The following LMBRD1 variants were observed in gnomAD, a reference collection of about 807,000 sequenced individuals.
The protein encoded by LMBRD1 is lysosomal cobalamin transport escort protein LMBD1.
LMBRD1 carries 64 observed loss-of-function variants against 74.8 expected under a neutral mutation model. That is an observed-to-expected ratio of 0.86 (90% CI 0.70 to 1.05). LMBRD1 has a LOEUF of 1.05. Ranked by LOEUF, LMBRD1 falls within the 50% of genes least tolerant of loss-of-function variation. The pLI is 0.00. For synonymous variants in LMBRD1, 204 were observed against 216.3 expected, an observed-to-expected ratio of 0.94 and a Z score of 0.50; for missense variants, 652 against 645.9, an observed-to-expected ratio of 1.01 and a Z score of -0.10.
intron 3 of LMBRD1, among the ~76,000 whole-genome samples, chr6:69,760,960 C>G (rs1336297544): frequency 6.6e-6 from 1 of 152,168 alleles, no homozygotes; most frequent in Non-Finnish European, 1.5e-5. Context: ...TACAGTCCCA[C>G]CAGACATCTT....
At chr6:69,741,681 G>C in intron 6 of LMBRD1, 108 bp downstream of exon 6, 14 of 575,358 alleles carry the variant, frequency 2.4e-5, no homozygotes, top group East Asian at 7.3e-5. Context: ...GAGCCACCAC[G>C]CCCAGCTGGG....
intron 3 of LMBRD1, among the ~76,000 whole-genome samples, chr6:69,771,909 T>C (rs1181505707): frequency 6.6e-6 from 1 of 152,060 alleles, no homozygotes; most frequent in Non-Finnish European, 1.5e-5. Context: ...GGTCAGATTC[T>C]AGATAAATTT....
intron 2 of LMBRD1, among the ~76,000 whole-genome samples, chr6:69,783,715 A>G (rs1765886631): frequency 6.6e-6 from 1 of 151,182 alleles, no homozygotes; most frequent in Non-Finnish European, 1.5e-5. Context: ...TCAATGGGCC[A>G]GAGAATAATA....
chr6:69,746,891 G>A (rs9454881), intron 5 of LMBRD1: 12,263 of 152,740 alleles, frequency 0.08, 653 homozygotes, highest in Admixed American at 0.15. Context: ...GCACAACAGG[G>A]AGAGAGAGGC....
chr6:69,793,107 T>C (rs1766123038), intron 1 of LMBRD1, among the ~76,000 whole-genome samples: 1 of 152,242 alleles, frequency 6.6e-6, no homozygotes, highest in Non-Finnish European at 1.5e-5. Context: ...CCATAGTAAC[T>C]GCTTAACAAA....
chr6:69,725,166 A>T (rs1466822617), intron 7 of LMBRD1, among the ~76,000 whole-genome samples: 3 of 152,158 alleles, frequency 2.0e-5, no homozygotes, highest in Non-Finnish European at 2.9e-5. Flanking sequence ...CAAAAAAGTG[A>T]AAGATCACTG....
chr6:69,728,992 AT>A (rs566180839), intron 7 of LMBRD1, among the ~76,000 whole-genome samples: 3,951 of 148,436 alleles, frequency 0.027, 107 homozygotes, highest in African/African-American at 0.078. Context: ...TTGTTTTGCT[AT>A]TTTTTTTTTA....
chr6:69,751,830 T>C (rs1427735784), intron 4 of LMBRD1, among the ~76,000 whole-genome samples: 2 of 152,226 alleles, frequency 1.3e-5, no homozygotes, highest in Admixed American at 6.5e-5. Flanking sequence ...ACAGAGACCA[T>C]ATAGCCCACA....
intron 14 of LMBRD1, among the ~76,000 whole-genome samples, chr6:69,679,207 G>T (rs942477625): frequency 6.6e-6 from 1 of 152,062 alleles, no homozygotes; most frequent in Non-Finnish European, 1.5e-5. Flanking sequence ...GAAAAGTCTA[G>T]AATGAATATT....
intron 1 of LMBRD1, among the ~76,000 whole-genome samples, chr6:69,791,716 T>C (rs1766090458): frequency 6.6e-6 from 1 of 152,244 alleles, no homozygotes; most frequent in South Asian, 2.1e-4. Context: ...GCAAGCAAGA[T>C]ACAAGAACAA....
intron 2 of LMBRD1, among the ~76,000 whole-genome samples, chr6:69,788,356 C>A (rs1766003848): frequency 6.6e-6 from 1 of 151,954 alleles, no homozygotes; most frequent in Non-Finnish European, 1.5e-5. Flanking sequence ...TTAAACTTAA[C>A]AGCTTTCAGA....
At chr6:69,754,459 T>G (rs1421454131) in intron 3 of LMBRD1, among the ~76,000 whole-genome samples, 1 of 152,144 alleles carries the variant, frequency 6.6e-6, no homozygotes, top group African/African-American at 2.4e-5. Context: ...TAAAAGAAAC[T>G]CAAATCAAAT....
chr6:69,739,299 T>C (rs750608650), intron 6 of LMBRD1, among the ~76,000 whole-genome samples: 1 of 152,152 alleles, frequency 6.6e-6, no homozygotes, highest in Non-Finnish European at 1.5e-5. Flanking sequence ...TAACTCAAAA[T>C]TGATCATTAT....
chr6:69,700,098 CAG>C (rs1046165109), intron 12 of LMBRD1, among the ~76,000 whole-genome samples: 1 of 151,928 alleles, frequency 6.6e-6, no homozygotes, highest in Middle Eastern at 3.4e-3. Context: ...CAAAGAATTA[CAG>C]AGATATTGGA....
At chr6:69,793,199 C>T (rs986016803) in intron 1 of LMBRD1, among the ~76,000 whole-genome samples, 2 of 152,104 alleles carry the variant, frequency 1.3e-5, no homozygotes, top group Non-Finnish European at 2.9e-5. Flanking sequence ...TTCAAATAGT[C>T]CCCCCAGCTT....
At chr6:69,705,821 G>T (rs1239391985) in intron 9 of LMBRD1, 125 of 1,251,252 alleles carry the variant, frequency 1.0e-4, no homozygotes, top group Non-Finnish European at 1.4e-4. Flanking sequence ...ACTAAATGTT[G>T]TTCACTAATA....
At chr6:69,678,275 T>C (rs1406191223) in intron 14 of LMBRD1, among the ~76,000 whole-genome samples, 1 of 152,130 alleles carries the variant, frequency 6.6e-6, no homozygotes, top group East Asian at 1.9e-4. Context: ...TAGATTATCA[T>C]AAAGGTCTTT....
chr6:69,754,052 T>C (rs1450316005), intron 3 of LMBRD1, among the ~76,000 whole-genome samples: 2 of 151,028 alleles, frequency 1.3e-5, no homozygotes, highest in East Asian at 1.9e-4. Context: ...AAAAGACAAA[T>C]ACGATATGAC....
At chr6:69,695,270 A>C (rs1765970447) in intron 14 of LMBRD1, among the ~76,000 whole-genome samples, 1 of 151,678 alleles carries the variant, frequency 6.6e-6, no homozygotes, top group Admixed American at 6.6e-5. Context: ...AAAGTTCTTG[A>C]CTCCGCACAT....
Sources: allele counts gnomAD v4.1 joint callset (sites outside exome capture counted in the v4.1 genomes callset), GRCh38; gene constraint gnomAD v4.1.1; transcripts MANE v1.5; gene names NCBI Gene and HGNC (gene_info 2026-07-23, HGNC 2026-07-21).